KIF13A: variants seen among roughly 807,000 people sequenced by gnomAD.
KIF13A encodes kinesin-like protein KIF13A.
KIF13A carries 79 observed loss-of-function variants against 212.2 expected under a neutral mutation model. The observed-to-expected ratio is 0.37, with a 90% CI of 0.31 to 0.45. The LOEUF is 0.45. Among genes scored for constraint, KIF13A ranks in the 20% least tolerant of loss-of-function variants. The pLI, the probability that KIF13A is intolerant of heterozygous loss-of-function variation, is 1.00. For missense variants in KIF13A, 1,901 were observed against 2,209.0 expected (o/e 0.86, Z 2.79); for synonymous variants, 789 against 808.6 (o/e 0.98, Z 0.41).
Position 17,888,331 on chromosome 6 carries a change from T to G in KIF13A, c.159+9837A>C, listed in dbSNP as rs1263335949. 1.3e-5 allele frequency among the ~76,000 whole-genome samples: 2 copies of G among 152,260 alleles called. No homozygotes were observed. The highest frequency in any genetic ancestry group is 1.3e-4 in the Admixed American group (2 of 15,298). ...TGAGTTCATGCAGCTGCAACACTCC[T>G]GGACCCAGATATAAAAGTAAAAATG... is the stretch of plus-strand genomic sequence containing the variant. On this transcript the variant is annotated intron_variant, in intron 3 of 38. Transcript: ENST00000259711. The surrounding 1 kb of genome is among the most constrained non-coding windows in gnomAD (Gnocchi z 4.8).
intron 22 of KIF13A, among the ~76,000 whole-genome samples, chr6:17,797,111 GCTCCAC>G (rs1364123215): frequency 1.3e-5 from 2 of 151,350 alleles, no homozygotes; most frequent in East Asian, 3.9e-4. Flanking sequence ...CTCACTACAA[GCTCCAC>G]CTCTCAGGTT....
intron 4 of KIF13A, among the ~76,000 whole-genome samples, chr6:17,869,020 A>AAAAAAAAAC (rs1769736972): frequency 2.4e-5 from 3 of 123,956 alleles, no homozygotes; most frequent in South Asian, 5.5e-4. Flanking sequence ...AAAAAAAAAA[A>AAAAAAAAAC]CACAAATAAA....
At position 17,987,123 on chromosome 6, in the gene KIF13A, C is replaced by T; in HGVS notation, c.77G>A (p.Cys26Tyr). ...TTGATTCCCTTCCATCTCCACCACG[C>T]ACTTGGTGTTCAGTTCCAGTTCTGA... is the stretch of plus-strand genomic sequence containing the variant. Reference protein sequence around the residue: ...NRRELELNTKCVVEMEGNQTV... With the variant: ...NRRELELNTKYVVEMEGNQTV... Residue 26 changes from cysteine (C) to tyrosine (Y), a missense_variant, in exon 2 of 39, where the codon TGC (cysteine) becomes TAC (tyrosine). Physicochemically the swap from Cys to Tyr is radical, Grantham distance 194. Around this residue, in one of 5 missense-constraint regions of KIF13A, gnomAD observed 506 missense variants for 637.4 expected, o/e 0.79. Coordinates refer to ENST00000259711, the MANE Select transcript of KIF13A (RefSeq NM_022113.6). This position sits in a 1 kb window ranked among gnomAD's most constrained non-coding sequence, Gnocchi z 7.7. 6.2e-7 allele frequency: 1 copy of T among 1,613,256 alleles called. No individual in the cohort carries two copies. The highest frequency in any genetic ancestry group is 1.1e-5 in the South Asian group (1 of 91,036).
chr6:17,855,721 G>A lies in KIF13A; in HGVS notation c.314-104C>T, dbSNP rs1768077027. 1 of 915,102 alleles carries A rather than the reference G, an allele frequency of 1.1e-6. No individual in the cohort carries two copies. Among genetic ancestry groups the A allele is most frequent in the Admixed American group, 2.9e-5 (1 of 34,656 alleles). The allele number at this position is 915,102 out of a possible 1,614,324, so 56.7% of individuals were successfully genotyped here. On this transcript the variant is annotated intron_variant, in intron 5 of 38. Coordinates refer to ENST00000259711, the MANE Select transcript of KIF13A (RefSeq NM_022113.6). This position sits in a 1 kb window ranked among gnomAD's most constrained non-coding sequence, Gnocchi z 4.1. ...ATATACTGGCCATGGTAACATAGCAGAAGAGTGGCCAACTTAGCCTCAAAC... is the reference window on the plus strand; with the variant it reads ...ATATACTGGCCATGGTAACATAGCAAAAGAGTGGCCAACTTAGCCTCAAAC...
At chr6:17,923,140 C>T (rs1438711879) in intron 2 of KIF13A, among the ~76,000 whole-genome samples, 1 of 151,444 alleles carries the variant, frequency 6.6e-6, no homozygotes, top group South Asian at 2.1e-4. Flanking sequence ...CAGGCATGGT[C>T]GCAGGTGCCT....
intron 4 of KIF13A, among the ~76,000 whole-genome samples, chr6:17,866,550 A>C (rs1769386701): frequency 6.6e-6 from 1 of 152,024 alleles, no homozygotes; most frequent in Admixed American, 6.6e-5. Flanking sequence ...CTTATCTGTA[A>C]AATGGGGGCA....
At chr6:17,976,657 G>A (rs1254680053) in intron 2 of KIF13A, among the ~76,000 whole-genome samples, 2 of 152,200 alleles carry the variant, frequency 1.3e-5, no homozygotes, top group East Asian at 3.9e-4. Flanking sequence ...TGGGCTGAAG[G>A]GCTTCTCAAG....
intron 38 of KIF13A, among the ~76,000 whole-genome samples, chr6:17,770,068 C>T (rs907278304): frequency 6.6e-6 from 1 of 152,120 alleles, no homozygotes; most frequent in African/African-American, 2.4e-5. Flanking sequence ...GGTGGGTGGC[C>T]AACTGCATAT....
At position 17,831,301 on chromosome 6, in the gene KIF13A, G is replaced by A. The variant is rs943592404; in HGVS notation, c.1267-66C>T. ...TGTTCTATTCACAAGATGTATCCAC[G>A]GAAAGAGTAAGTCACTGTTTCTGGG... On this transcript the variant is annotated intron_variant, in intron 12 of 38. Transcript: ENST00000259711. 62 of 1,551,458 alleles carry A rather than the reference G, an allele frequency of 4.0e-5. 1 individual carries two copies. The highest frequency in any genetic ancestry group is 2.5e-4 in the Admixed American group (13 of 52,480).
intron 3 of KIF13A, among the ~76,000 whole-genome samples, chr6:17,875,456 CTTT>C (rs758607280): frequency 4.4e-5 from 6 of 137,104 alleles, no homozygotes; most frequent in African/African-American, 5.4e-5. Flanking sequence ...TTTTCTTTTC[CTTT>C]TTTTTTTTTT....
In KIF13A at chr6:17,975,313, C is replaced by T. The variant is rs1780253426; in HGVS notation, c.146+11741G>A. Among the ~76,000 whole-genome samples the T allele has an allele frequency of 2.0e-5, 3 of 151,740 alleles. No individual in the cohort carries two copies. The South Asian group carries it at 6.3e-4, about 32-fold the overall frequency. On this transcript the variant is annotated intron_variant, in intron 2 of 38. Coordinates refer to ENST00000259711, the MANE Select transcript of KIF13A (RefSeq NM_022113.6). ...GGTTGCAATGAGCTGAGACTGTGTT[C>T]CGAATTAGTAGGTTCTTGGTCTCAC...
Position 17,856,089 on chromosome 6 carries a change from C to T in KIF13A, c.254G>A (p.Gly85Glu), listed in dbSNP as rs1193421351. Residue 85 changes from glycine (G) to glutamate (E), a missense_variant, in exon 5 of 39, where the codon GGA (glycine) becomes GAA (glutamate). Gly to Glu is a moderately conservative substitution (Grantham distance 98). This residue lies in a region of KIF13A where 506 missense variants were observed against 637.4 expected (regional missense o/e 0.79). Coordinates refer to ENST00000259711, the MANE Select transcript of KIF13A (RefSeq NM_022113.6). The surrounding 1 kb of genome is among the most constrained non-coding windows in gnomAD (Gnocchi z 4.5). The part of the protein sequence containing the change: ...QEVVFKCLGE[G>E]ILEKAFQGYN... Reference sequence around the variant, plus strand: ...CCCCTGAAAGGCTTTTTCAAGAATTCCTTCCCCAAGGCACTTGAAAACCAC... The same window carrying T: ...CCCCTGAAAGGCTTTTTCAAGAATTTCTTCCCCAAGGCACTTGAAAACCAC... 34 of 1,613,504 alleles carry T rather than the reference C, an allele frequency of 2.1e-5. No homozygotes were observed. The highest frequency in any genetic ancestry group is 2.9e-5 in the Non-Finnish European group (34 of 1,179,560).
chr6:17,765,852 C>G (rs964060573), intron 38 of KIF13A, among the ~76,000 whole-genome samples: 1 of 152,182 alleles, frequency 6.6e-6, no homozygotes, highest in Non-Finnish European at 1.5e-5. Context: ...AATGAAATCG[C>G]AAATATTCCT....
intron 18 of KIF13A, among the ~76,000 whole-genome samples, 187 bp from the exon 19 acceptor site, chr6:17,805,802 CTTT>C (rs370602131): frequency 6.6e-6 from 1 of 152,204 alleles, no homozygotes; most frequent in Non-Finnish European, 1.5e-5. Flanking sequence ...CTCATGCACA[CTTT>C]TTAATTTTTA....
chr6:17,819,450 C>T (rs1158447768), intron 16 of KIF13A, among the ~76,000 whole-genome samples: 2 of 151,924 alleles, frequency 1.3e-5, no homozygotes, highest in Non-Finnish European at 2.9e-5. Context: ...GTAGTCCCAG[C>T]TACTTGGGAG....
intron 25 of KIF13A, among the ~76,000 whole-genome samples, chr6:17,793,256 AT>A (rs1761746782): frequency 6.6e-6 from 1 of 151,840 alleles, no homozygotes; most frequent in South Asian, 2.1e-4. Context: ...AATTTTCTGT[AT>A]TTTTAGTAGA....
rs866646056 is a variant in KIF13A, at chr6:17,815,756, A to G, written c.2000+1264T>C. ...TTTCTAGTATAACTATTCTTATTCT[A>G]TATATTAGCTTTATTATACTGGAAC... is the stretch of plus-strand genomic sequence containing the variant. On this transcript the variant is annotated intron_variant, in intron 17 of 38. Coordinates refer to ENST00000259711, the MANE Select transcript of KIF13A (RefSeq NM_022113.6). 42 of 206,162 alleles carry G rather than the reference A, an allele frequency of 2.0e-4. 1 individual carries two copies. The South Asian group carries it at 2.1e-3, about 11-fold the overall frequency. The allele number at this position is 206,162 out of a possible 1,614,324, so 12.8% of individuals were successfully genotyped here.
In KIF13A at chr6:17,896,328, G is replaced by A. The variant is rs998019163; in HGVS notation, c.159+1840C>T. 7.0e-5 allele frequency among the ~76,000 whole-genome samples: 10 copies of A among 142,840 alleles called. No individual in the cohort carries two copies. The East Asian group carries it at 1.2e-3, about 18-fold the overall frequency. 93.7% of individuals were successfully genotyped at this position (142,840 alleles called of 152,430 possible). On this transcript the variant is annotated intron_variant, in intron 3 of 38. Transcript: ENST00000259711. The stretch of plus-strand genomic sequence containing the variant: ...GCCCAGAATAATTATTTGTTAAATC[G>A]AAACAACCAGGCTTCTCTGATGCTT...
intron 2 of KIF13A, among the ~76,000 whole-genome samples, chr6:17,905,999 A>G (rs1407676219): frequency 6.6e-6 from 1 of 152,234 alleles, no homozygotes; most frequent in Non-Finnish European, 1.5e-5. Context: ...AAATGCTTCT[A>G]TGAATTATAA....
Sources: allele counts gnomAD v4.1 joint callset (sites outside exome capture counted in the v4.1 genomes callset), GRCh38; gene constraint gnomAD v4.1.1; regional missense constraint gnomAD v4.1.1; non-coding constraint Gnocchi (gnomAD v3.1); transcripts MANE v1.5; gene names NCBI Gene and HGNC (gene_info 2026-07-23, HGNC 2026-07-21).